The following PAX5 variants were observed in gnomAD, a reference collection of about 807,000 sequenced individuals.
PAX5 encodes paired box 5, also known as paired box protein Pax-5.
In PAX5, 9 loss-of-function variants were observed where a neutral mutation model predicts 43.7. The observed-to-expected ratio is 0.21, with a 90% CI of 0.12 to 0.36. The LOEUF is 0.36. Among genes scored for constraint, PAX5 ranks in the 10% least tolerant of loss-of-function variants. The probability of loss-of-function intolerance (pLI) is 1.00; values close to 1 mark genes in which losing one functional copy is unlikely to be tolerated. For synonymous variants in PAX5, 228 were observed against 214.3 expected, an observed-to-expected ratio of 1.06 and a Z score of -0.56; for missense variants, 383 against 532.7, an observed-to-expected ratio of 0.72 and a Z score of 2.77.
At chr9:36,890,898 G>C (rs547512201) in intron 7 of PAX5, among the ~76,000 whole-genome samples, 13 of 152,148 alleles carry the variant, frequency 8.5e-5, no homozygotes, top group Non-Finnish European at 1.8e-4. Context: ...CAGAACTTTG[G>C]GAGGCCAAGG....
chr9:36,975,750 A>G (rs1835372835), intron 5 of PAX5, among the ~76,000 whole-genome samples: 1 of 152,232 alleles, frequency 6.6e-6, no homozygotes, highest in Non-Finnish European at 1.5e-5. Flanking sequence ...TAATAATAGT[A>G]TCTGGAGTTG....
At chr9:36,867,643 G>C (rs150440535) in intron 8 of PAX5, among the ~76,000 whole-genome samples, 12 of 152,296 alleles carry the variant, frequency 7.9e-5, no homozygotes, top group Non-Finnish European at 8.8e-5. Flanking sequence ...TTTGGCCTGG[G>C]ATTGCTCTTC....
At position 36,983,364 on chromosome 9, in the gene PAX5, C is replaced by T. The variant is rs74370271; in HGVS notation, c.605-16640G>A. Among the ~76,000 whole-genome samples, 1,037 of 152,302 alleles carry T rather than the reference C, an allele frequency of 6.8e-3. 11 individuals are homozygous for T. The highest frequency in any genetic ancestry group is 0.023 in the African/African-American group (973 of 41,552). On this transcript the variant is annotated intron_variant, in intron 5 of 9. Coordinates refer to ENST00000358127, the MANE Select transcript of PAX5 (RefSeq NM_016734.3). ...AGCTGCTGCATTCATGGAGATTCTA[C>T]GCCTAAGTGCAAGCAACTAACTACT...
intron 6 of PAX5, among the ~76,000 whole-genome samples, chr9:36,947,750 A>G (rs1832662655): frequency 6.6e-6 from 1 of 151,852 alleles, no homozygotes; most frequent in South Asian, 2.1e-4. Flanking sequence ...TTCCAAAACC[A>G]TCACCCCCAC....
chr9:36,840,559 G>T lies in PAX5; in HGVS notation c.*1C>A, dbSNP rs1431440232. On this transcript the variant is annotated 3_prime_UTR_variant, in exon 10 of 10. Transcript: ENST00000358127. ...GTTTGGTGCCCGCCTGGCTCCAAGG[G>T]TCAGTGACGGTCATAGGCAGTGGCG... 2 of 1,584,286 alleles carry T rather than the reference G, an allele frequency of 1.3e-6. No individual in the cohort carries two copies. Among genetic ancestry groups the T allele is most frequent in the South Asian group, 1.2e-5 (1 of 86,112 alleles).
At chr9:36,883,293 T>G (rs112040267) in intron 7 of PAX5, among the ~76,000 whole-genome samples, 1 of 152,290 alleles carries the variant, frequency 6.6e-6, no homozygotes, top group South Asian at 2.1e-4. Context: ...GTTCAGAAGA[T>G]CAGTGCCTCA....
At chr9:36,879,959 C>A (rs1405693917) in intron 8 of PAX5, among the ~76,000 whole-genome samples, 1 of 152,300 alleles carries the variant, frequency 6.6e-6, no homozygotes. Flanking sequence ...AGGAACCTGG[C>A]AGGCCTCCCT....
At chr9:37,026,415 T>G in intron 1 of PAX5, 1 of 915,274 alleles carries the variant, frequency 1.1e-6, no homozygotes, top group Non-Finnish European at 1.5e-6. Flanking sequence ...TTTGCAAAGT[T>G]AGCTGCGCGG....
intron 6 of PAX5, among the ~76,000 whole-genome samples, chr9:36,950,188 C>T (rs1205186931): frequency 6.6e-6 from 1 of 152,222 alleles, no homozygotes; most frequent in Non-Finnish European, 1.5e-5. Flanking sequence ...GTTATCTGTC[C>T]TCTTGGTGAG....
In PAX5 at chr9:36,836,221, G is replaced by A. The variant is rs41305302; in HGVS notation, c.*4339C>T. On this transcript the variant is annotated 3_prime_UTR_variant, in exon 10 of 10. Coordinates refer to ENST00000358127, the MANE Select transcript of PAX5 (RefSeq NM_016734.3). ...GAAAACCCAGCAGCTCCCCAATCCC[G>A]TCCCCAGCGCCTCTGACCTTCCACC... 16,741 of 233,524 alleles carry A rather than the reference G, an allele frequency of 0.072. 809 individuals are homozygous for A. Among genetic ancestry groups the A allele is most frequent in the Non-Finnish European group, 0.1 (12,368 of 118,328 alleles). The allele number at this position is 233,524 out of a possible 1,614,324, so 14.5% of individuals were successfully genotyped here.
chr9:36,918,217 A>T (rs1829868603), intron 7 of PAX5, among the ~76,000 whole-genome samples: 1 of 152,254 alleles, frequency 6.6e-6, no homozygotes, highest in Admixed American at 6.5e-5. Flanking sequence ...TCAAAAACTG[A>T]GACAGGCCAA....
intron 8 of PAX5, among the ~76,000 whole-genome samples, chr9:36,867,546 C>T (rs1344722232): frequency 6.6e-6 from 1 of 151,358 alleles, no homozygotes; most frequent in African/African-American, 2.4e-5. Context: ...GGTGGGGGTT[C>T]GTCTTCTTAG....
At chr9:36,970,975 G>T (rs1363664998) in intron 5 of PAX5, among the ~76,000 whole-genome samples, 1 of 152,202 alleles carries the variant, frequency 6.6e-6, no homozygotes, top group Non-Finnish European at 1.5e-5. Flanking sequence ...GAATGAATTG[G>T]TACTACCTGT....
chr9:36,976,833 C>T (rs1835476139), intron 5 of PAX5, among the ~76,000 whole-genome samples: 1 of 152,156 alleles, frequency 6.6e-6, no homozygotes, highest in African/African-American at 2.4e-5. Context: ...CTGGTGATTC[C>T]ACATTCGAGG....
intron 3 of PAX5, chr9:37,007,326 T>C (rs1254786771): frequency 6.6e-6 from 1 of 152,244 alleles, no homozygotes; most frequent in Non-Finnish European, 1.5e-5. Flanking sequence ...ACTCTGCTTA[T>C]TTTAAGTAAC....
At chr9:36,883,630 C>T (rs898658435) in intron 7 of PAX5, among the ~76,000 whole-genome samples, 6 of 152,042 alleles carry the variant, frequency 3.9e-5, no homozygotes, top group African/African-American at 1.5e-4. Context: ...GAGGTGGCAC[C>T]ACTGCACTTC....
At chr9:36,873,671 C>A (rs1321349353) in intron 8 of PAX5, among the ~76,000 whole-genome samples, 2 of 152,206 alleles carry the variant, frequency 1.3e-5, no homozygotes, top group Non-Finnish European at 2.9e-5. Context: ...GAGCCTGATG[C>A]TTAGGTCACG....
chr9:36,976,298 A>G (rs1835420029), intron 5 of PAX5, among the ~76,000 whole-genome samples: 1 of 152,244 alleles, frequency 6.6e-6, no homozygotes, highest in South Asian at 2.1e-4. Flanking sequence ...GCTCAAACTC[A>G]TTACAGAGCT....
In PAX5 at chr9:36,969,765, C is replaced by T. The variant is rs142472429; in HGVS notation, c.605-3041G>A. 2.3e-3 allele frequency among the ~76,000 whole-genome samples: 353 copies of T among 152,332 alleles called. 1 individual carries two copies. Among genetic ancestry groups the T allele is most frequent in the Non-Finnish European group, 1.4e-3 (94 of 68,032 alleles). ...TGGGAGGCCGAGGTGGGTGGACTGC[C>T]CTCGAAGGGCTGCGAGCTGGGCAGA... On this transcript the variant is annotated intron_variant, in intron 5 of 9. Coordinates refer to ENST00000358127, the MANE Select transcript of PAX5 (RefSeq NM_016734.3).
Sources: allele counts gnomAD v4.1 joint callset (sites outside exome capture counted in the v4.1 genomes callset), GRCh38; gene constraint gnomAD v4.1.1; transcripts MANE v1.5; gene names NCBI Gene and HGNC (gene_info 2026-07-23, HGNC 2026-07-21).